Variants in RIMBP2 observed in about 807,000 individuals in gnomAD.
RIMBP2 encodes RIMS-binding protein 2.
RIMBP2 carries 48 observed loss-of-function variants against 118.6 expected under a neutral mutation model. The ratio of observed to expected loss-of-function variants is 0.40; its 90% CI spans 0.32 to 0.51. The LOEUF (loss-of-function observed/expected upper bound fraction) is 0.51, where lower values mean the gene tolerates loss of function less well. Among genes scored for constraint, RIMBP2 ranks in the 20% least tolerant of loss-of-function variants. RIMBP2 has a pLI of 0.41. For synonymous variants in RIMBP2, 762 were observed against 742.9 expected (o/e 1.03, Z -0.42); for missense variants, 1,551 against 1,768.3 (o/e 0.88, Z 2.20).
chr12:130,705,467 A>T (rs2463416), intron 1 of RIMBP2, among the ~76,000 whole-genome samples: 103,720 of 152,066 alleles, frequency 0.68, 37,146 homozygotes, highest in Middle Eastern at 0.85. Flanking sequence ...GGGCCACAGA[A>T]GCCTCCTGGG....
chr12:130,401,615 A>ATTAT (rs1286822115), intron 21 of RIMBP2, among the ~76,000 whole-genome samples: 2 of 151,686 alleles, frequency 1.3e-5, no homozygotes, highest in African/African-American at 4.8e-5. Context: ...CACCGGCTCC[A>ATTAT]TTATTAGCTT....
chr12:130,711,448 T>G (rs1183207678), intron 1 of RIMBP2, among the ~76,000 whole-genome samples: 1 of 152,238 alleles, frequency 6.6e-6, no homozygotes, highest in East Asian at 1.9e-4. Flanking sequence ...GCACATGTTC[T>G]TCCTTCTGAT....
intron 2 of RIMBP2, among the ~76,000 whole-genome samples, chr12:130,571,362 C>T (rs2057632794): frequency 6.6e-6 from 1 of 151,544 alleles, no homozygotes; most frequent in East Asian, 1.9e-4. Flanking sequence ...ACCACGTGTT[C>T]GCTGCCACAC....
chr12:130,541,763 C>A (rs1435505166), intron 2 of RIMBP2, among the ~76,000 whole-genome samples: 1 of 152,250 alleles, frequency 6.6e-6, no homozygotes, highest in South Asian at 2.1e-4. Flanking sequence ...TACGTCACAG[C>A]TTCCAGGTGC....
chr12:130,560,401 T>C (rs1351232232), intron 2 of RIMBP2, among the ~76,000 whole-genome samples: 1 of 152,166 alleles, frequency 6.6e-6, no homozygotes, highest in Non-Finnish European at 1.5e-5. Flanking sequence ...GGGGCTGTCT[T>C]GTGCAGGGCA....
intron 1 of RIMBP2, among the ~76,000 whole-genome samples, chr12:130,669,911 A>G (rs1296017612): frequency 6.6e-6 from 1 of 152,172 alleles, no homozygotes; most frequent in Admixed American, 6.5e-5. Flanking sequence ...GGGGCTCAGT[A>G]ACACACATTT....
intron 4 of RIMBP2, among the ~76,000 whole-genome samples, chr12:130,500,608 C>CA (rs35125563): frequency 0.16 from 24,128 of 152,126 alleles, 2,272 homozygotes; most frequent in East Asian, 0.37. Context: ...TATTTGGAAA[C>CA]AAAAAAGCCA....
chr12:130,523,207 G>A lies in RIMBP2; in HGVS notation c.-216-5290C>T, dbSNP rs933269781. Among the ~76,000 whole-genome samples, 1 of 152,006 alleles carries A rather than the reference G, an allele frequency of 6.6e-6. No individual in the cohort carries two copies. The highest frequency in any genetic ancestry group is 1.5e-5 in the Non-Finnish European group (1 of 68,002). Reference sequence around the variant, plus strand: ...TCTGTCTCTATTTCTCTGTGTTGGGGGGGGTTTCTCTGCCTCCATCTCTCT... The same window carrying A: ...TCTGTCTCTATTTCTCTGTGTTGGGAGGGGTTTCTCTGCCTCCATCTCTCT... On this transcript the variant is annotated intron_variant, in intron 2 of 22. Transcript: ENST00000690449. This position sits in a 1 kb window ranked among gnomAD's most constrained non-coding sequence, Gnocchi z 4.4.
At chr12:130,686,100 C>T (rs1446357446) in intron 1 of RIMBP2, among the ~76,000 whole-genome samples, 2 of 152,200 alleles carry the variant, frequency 1.3e-5, no homozygotes, top group Non-Finnish European at 2.9e-5. Context: ...CTGGTTTTCT[C>T]CTCCCTTTAA....
intron 22 of RIMBP2, chr12:130,398,207 G>C (rs2074215328): frequency 6.6e-6 from 1 of 152,200 alleles, no homozygotes. Flanking sequence ...GCTTCAGAGG[G>C]GTAGACTTTT....
intron 1 of RIMBP2, among the ~76,000 whole-genome samples, chr12:130,631,636 C>G (rs2062002473): frequency 6.6e-6 from 1 of 151,672 alleles, no homozygotes; most frequent in Admixed American, 6.6e-5. Flanking sequence ...TCTACCACCC[C>G]AGAAAGTGCT....
At chr12:130,543,689 A>G (rs1253590845) in intron 2 of RIMBP2, among the ~76,000 whole-genome samples, 3 of 152,022 alleles carry the variant, frequency 2.0e-5, no homozygotes, top group African/African-American at 7.3e-5. Flanking sequence ...CAGGAACCCA[A>G]CGAGACAGCA....
Position 130,478,946 on chromosome 12 carries a change from CTGAGAA to C in RIMBP2, c.62_67del (p.Val21_Ser23delinsGly). 6.2e-7 allele frequency: 1 copy of C among 1,613,898 alleles called. No homozygotes were observed. Among genetic ancestry groups the C allele is most frequent in the Non-Finnish European group, 8.5e-7 (1 of 1,179,958 alleles). On this transcript the variant is annotated inframe_deletion, in exon 5 of 23. Transcript: ENST00000690449. ...AAGGTCAATTTCCTGCTGCTTGGCA[CTGAGAA>C]CAGCCAGGGCCTGGTCATGCTCCAA...
intron 1 of RIMBP2, among the ~76,000 whole-genome samples, chr12:130,665,334 G>A (rs541495741): frequency 7.9e-5 from 12 of 151,560 alleles, no homozygotes; most frequent in Middle Eastern, 3.4e-3. Flanking sequence ...AGACCAGCCC[G>A]GGCAACATGG....
chr12:130,491,363 G>A (rs1381156476), intron 4 of RIMBP2, among the ~76,000 whole-genome samples: 1 of 152,182 alleles, frequency 6.6e-6, no homozygotes, highest in Non-Finnish European at 1.5e-5. Context: ...CACTGTCTCT[G>A]CTCTCTGCTG....
Position 130,420,415 on chromosome 12 carries a change from T to C in RIMBP2, c.3238+2038A>G, listed in dbSNP as rs981034109. ...CTTTTTCCTTGTTAAGGTGTTGACATAGATTTGCTCTTTCACCCAATTTAA... is the reference window on the plus strand; with the variant it reads ...CTTTTTCCTTGTTAAGGTGTTGACACAGATTTGCTCTTTCACCCAATTTAA... On this transcript the variant is annotated intron_variant, in intron 17 of 22. Coordinates refer to ENST00000690449, the MANE Select transcript of RIMBP2 (RefSeq NM_001393629.1). The surrounding 1 kb of genome is among the most constrained non-coding windows in gnomAD (Gnocchi z 4.3). Among the ~76,000 whole-genome samples, 2 of 152,220 alleles carry C rather than the reference T, an allele frequency of 1.3e-5. No homozygotes were observed. Among genetic ancestry groups the C allele is most frequent in the African/African-American group, 2.4e-5 (1 of 41,452 alleles).
chr12:130,611,976 C>G (rs2140615977), intron 2 of RIMBP2, among the ~76,000 whole-genome samples: 1 of 152,372 alleles, frequency 6.6e-6, no homozygotes, highest in Non-Finnish European at 1.5e-5. Flanking sequence ...AATGCATCCT[C>G]TGAGAAGCAT....
rs569209398 is a variant in RIMBP2, at chr12:130,561,981, G to A, written c.-216-44064C>T. On this transcript the variant is annotated intron_variant, in intron 2 of 22. Coordinates refer to ENST00000690449, the MANE Select transcript of RIMBP2 (RefSeq NM_001393629.1). ...TCAAAAAATGTTAAAATATAGAAAA[G>A]TGCAGAAAAAATGACGGGAAAACTA... is the stretch of plus-strand genomic sequence containing the variant. Among the ~76,000 whole-genome samples, 3 of 152,230 alleles carry A rather than the reference G, an allele frequency of 2.0e-5. No individual in the cohort carries two copies. In the East Asian group the frequency reaches 5.8e-4, roughly 29 times the overall value.
intron 5 of RIMBP2, among the ~76,000 whole-genome samples, chr12:130,476,780 C>G (rs949450781): frequency 9.2e-5 from 14 of 152,214 alleles, no homozygotes; most frequent in African/African-American, 3.4e-4. Context: ...CTGACTTGTT[C>G]GTCTTCCTTT....
Sources: gnomAD v4.1 joint callset for allele counts (sites outside exome capture counted in the v4.1 genomes callset) on GRCh38, gnomAD v4.1.1 for gene constraint, Gnocchi (gnomAD v3.1) non-coding constraint, MANE v1.5 for transcripts, NCBI Gene and HGNC (gene_info 2026-07-23, HGNC 2026-07-21) for gene names.